GOLGA3: variants seen among roughly 807,000 people sequenced by gnomAD.
GOLGA3 encodes golgin subfamily A member 3.
A neutral mutation model predicts 169.4 loss-of-function variants in GOLGA3; 75 were observed. The observed-to-expected ratio is 0.44, with a 90% CI of 0.37 to 0.54. The LOEUF is 0.54. Ranked by LOEUF, GOLGA3 falls within the 20% of genes least tolerant of loss-of-function variation. The pLI, the probability that GOLGA3 is intolerant of heterozygous loss-of-function variation, is 0.00. For missense variants in GOLGA3, 1,899 were observed against 1,930.0 expected (o/e 0.98, Z 0.30); for synonymous variants, 824 against 822.4 (o/e 1.00, Z -0.03).
chr12:132,815,686 A>G (rs1949924802), intron 3 of GOLGA3, among the ~76,000 whole-genome samples: 1 of 152,038 alleles, frequency 6.6e-6, no homozygotes, highest in Non-Finnish European at 1.5e-5. Flanking sequence ...ACTTGAGCCC[A>G]GGAGTTCAAG....
rs199521533 is a variant in GOLGA3, at chr12:132,780,950, C to T, written c.3466-36G>A. The T allele has an allele frequency of 1.1e-4, 157 of 1,489,352 alleles. No homozygotes were observed. In the Middle Eastern group the frequency reaches 1.2e-3, roughly 11 times the overall value. 92.3% of individuals were successfully genotyped at this position (1,489,352 alleles called of 1,614,324 possible). A position where few individuals can be genotyped will look rare whatever the true frequency, so the allele number is the denominator to read the frequency against. On this transcript the variant is annotated intron_variant, in intron 17 of 23. Transcript: ENST00000450791. ...TTGCAGGAGGACAGATAAGGAAGGACGTCGAATTACAAACACACAAGGCTG... is the reference window on the plus strand; with the variant it reads ...TTGCAGGAGGACAGATAAGGAAGGATGTCGAATTACAAACACACAAGGCTG...
intron 15 of GOLGA3, among the ~76,000 whole-genome samples, chr12:132,784,645 C>A (rs550024720): frequency 6.6e-6 from 1 of 152,122 alleles, no homozygotes; most frequent in African/African-American, 2.4e-5. Flanking sequence ...CACATGCTCA[C>A]GCACCACACA....
At chr12:132,823,393 A>G (rs1043767210) in intron 1 of GOLGA3, among the ~76,000 whole-genome samples, 1 of 152,252 alleles carries the variant, frequency 6.6e-6, no homozygotes, top group East Asian at 1.9e-4. Flanking sequence ...TCAGTTTCAT[A>G]TTAACCTACA....
intron 23 of GOLGA3, 151 bp from the exon 24 acceptor site, chr12:132,773,445 T>TTTAATGATACG: frequency 4.8e-6 from 2 of 414,650 alleles, no homozygotes; most frequent in Non-Finnish European, 8.4e-6. Flanking sequence ...GCTCAGCTGT[T>TTTAATGATACG]CTCAGCACCG....
In GOLGA3 at chr12:132,777,709, C is replaced by G; in HGVS notation, c.3679G>C (p.Glu1227Gln). 1 of 1,614,134 alleles carries G rather than the reference C, an allele frequency of 6.2e-7. No individual in the cohort carries two copies. Among genetic ancestry groups the G allele is most frequent in the East Asian group, 2.2e-5 (1 of 44,878 alleles). Residue 1227 changes from glutamate (E) to glutamine (Q), a missense_variant, in exon 19 of 24, where the codon GAA becomes CAA. By Grantham distance (29) the Glu-to-Gln change is conservative. Coordinates refer to ENST00000450791, the MANE Select transcript of GOLGA3 (RefSeq NM_001389683.1). The surrounding 1 kb of genome is among the most constrained non-coding windows in gnomAD (Gnocchi z 4.7). ...GCCTGCAGCTTCTGCACCAGGTGTT[C>G]CTTGGCCTGCAGCTCCTTCTTCACC... ...SEVKKELQAK[E>Q]HLVQKLQAEA...
At chr12:132,797,335 AG>A (rs1948896072) in intron 9 of GOLGA3, among the ~76,000 whole-genome samples, 1 of 152,152 alleles carries the variant, frequency 6.6e-6, no homozygotes, top group Non-Finnish European at 1.5e-5. Context: ...CATCCAGCAC[AG>A]AACCTCCCTC....
chr12:132,789,390 G>C, intron 12 of GOLGA3, 100 bp from the exon 13 acceptor site: 1 of 1,008,708 alleles, frequency 9.9e-7, no homozygotes, highest in Non-Finnish European at 1.4e-6. Flanking sequence ...ACCACTTATC[G>C]GGGGCATAAC....
In GOLGA3 at chr12:132,770,323, G is replaced by A. The variant is rs1281892407; in HGVS notation, c.*2782C>T. 2.7e-5 allele frequency: 4 copies of A among 149,766 alleles called. No individual in the cohort carries two copies. Among genetic ancestry groups the A allele is most frequent in the African/African-American group, 7.6e-5 (3 of 39,388 alleles). The allele number at this position is 149,766 out of a possible 1,614,324, so 9.3% of individuals were successfully genotyped here. On this transcript the variant is annotated 3_prime_UTR_variant, in exon 24 of 24. Transcript: ENST00000450791. ...GTGAACACGAGAGGCCTCAGATCCAGAAGCACAAGCCGTGCATGAAAACAC... is the reference window on the plus strand; with the variant it reads ...GTGAACACGAGAGGCCTCAGATCCAAAAGCACAAGCCGTGCATGAAAACAC...
intron 2 of GOLGA3, 71 bp downstream of exon 2, chr12:132,821,907 TCTCAACGCCACATCCTCC>T (rs550199655): frequency 5.3e-4 from 405 of 760,356 alleles, no homozygotes; most frequent in Non-Finnish European, 4.7e-4. Flanking sequence ...CTCACAGTGG[TCTCAACGCCACATCCTCC>T]CTCAACACCA....
chr12:132,776,946 G>C lies in GOLGA3; in HGVS notation c.3855+12C>G. 6.4e-7 allele frequency: 1 copy of C among 1,571,902 alleles called. No individual in the cohort carries two copies. ...GTCCAGCCCTGCAAGTCCAGCCCCC[G>C]TGAACCGTCACCTCTTGGTTTCCCA... On this transcript the variant is annotated intron_variant, in intron 20 of 23. Transcript: ENST00000450791.
At chr12:132,778,312 C>G (rs544149209) in intron 18 of GOLGA3, among the ~76,000 whole-genome samples, 1 of 150,992 alleles carries the variant, frequency 6.6e-6, no homozygotes, top group Non-Finnish European at 1.5e-5. Context: ...TGGCGGCTCA[C>G]GCCTGTAATC....
rs1173612842 is a variant in GOLGA3 at position 132,777,875 on chromosome 12, G to C, written c.3583-70C>G. 2 of 1,541,954 alleles carry C rather than the reference G, an allele frequency of 1.3e-6. No homozygotes were observed. The highest frequency in any genetic ancestry group is 1.8e-6 in the Non-Finnish European group (2 of 1,132,600). ...ACAGCTTTATGACGTGCCGGGCGCA[G>C]GGGGTGAATGCACTCCCGGCCCCGT... On this transcript the variant is annotated intron_variant, in intron 18 of 23. Coordinates refer to ENST00000450791, the MANE Select transcript of GOLGA3 (RefSeq NM_001389683.1). This position sits in a 1 kb window ranked among gnomAD's most constrained non-coding sequence, Gnocchi z 4.7.
intron 11 of GOLGA3, 73 bp from the exon 12 acceptor site, chr12:132,791,366 T>G: frequency 3.7e-6 from 3 of 801,654 alleles, no homozygotes; most frequent in Non-Finnish European, 4.2e-6. Context: ...GATGTTACAC[T>G]GAAGCCTCCA....
rs2291260 is a variant in GOLGA3, at chr12:132,780,826, T to C, written c.3554A>G (p.Lys1185Arg). 0.25 allele frequency: 406,932 copies of C among 1,609,642 alleles called. 54,071 individuals carry two copies. The highest frequency in any genetic ancestry group is 0.41 in the South Asian group (37,572 of 91,036). The change falls in exon 18 of 24, where the codon AAG becomes AGG. Residue 1185 changes from lysine (K) to arginine (R), a missense_variant. Transcript: ENST00000450791. ...CTCCTTGAGGCTGTTCACCTTCTCCTTCTCCTTCTCTAGTGAGGCCTGCAG... is the reference window on the plus strand; with the variant it reads ...CTCCTTGAGGCTGTTCACCTTCTCCCTCTCCTTCTCTAGTGAGGCCTGCAG... ...QALQASLEKE[K>R]EKVNSLKEQV...
At chr12:132,795,297 G>C (rs1399709525) in intron 11 of GOLGA3, among the ~76,000 whole-genome samples, 1 of 152,104 alleles carries the variant, frequency 6.6e-6, no homozygotes, top group Non-Finnish European at 1.5e-5. Context: ...TTCGAGACTA[G>C]CCTGGCCAAC....
chr12:132,784,099 G>A, intron 16 of GOLGA3, 65 bp downstream of exon 16: 2 of 1,597,706 alleles, frequency 1.3e-6, no homozygotes, highest in Admixed American at 1.7e-5. Flanking sequence ...CTCACGCGTG[G>A]CGGCATGTCC....
intron 2 of GOLGA3, among the ~76,000 whole-genome samples, chr12:132,817,156 A>C: frequency 7.4e-6 from 1 of 134,314 alleles, no homozygotes; most frequent in African/African-American, 2.9e-5. Flanking sequence ...CCCGCCCTCC[A>C]CTCCTCCACG....
intron 23 of GOLGA3, 137 bp from the exon 24 acceptor site, chr12:132,773,431 A>ATTAAT: frequency 2.2e-6 from 1 of 453,504 alleles, no homozygotes; most frequent in South Asian, 4.7e-5. Context: ...CTGAGACCAC[A>ATTAAT]GAAGCTCAGC....
At chr12:132,778,497 G>C (rs2045369309) in intron 18 of GOLGA3, among the ~76,000 whole-genome samples, 1 of 151,854 alleles carries the variant, frequency 6.6e-6, no homozygotes, top group Non-Finnish European at 1.5e-5. Flanking sequence ...CGTGAACCCG[G>C]GAGGTGGAGC....
Sources: allele counts gnomAD v4.1 joint callset (sites outside exome capture counted in the v4.1 genomes callset), GRCh38; gene constraint gnomAD v4.1.1; non-coding constraint Gnocchi (gnomAD v3.1); transcripts MANE v1.5; gene names NCBI Gene and HGNC (gene_info 2026-07-23, HGNC 2026-07-21).